Variants in MYOM3 observed in about 807,000 individuals in gnomAD.
MYOM3 encodes the protein myomesin-3.
Under a neutral mutation model 191.7 loss-of-function variants are expected in MYOM3, and 155 were observed. The ratio of observed to expected loss-of-function variants is 0.81; its 90% CI spans 0.71 to 0.92. The LOEUF is 0.92. Among genes scored for constraint, MYOM3 ranks in the 40% least tolerant of loss-of-function variants. The probability of loss-of-function intolerance (pLI) is 0.00; values close to 1 mark genes in which losing one functional copy is unlikely to be tolerated. For missense variants in MYOM3, 1,889 were observed against 1,890.6 expected (o/e 1.00, Z 0.02); for synonymous variants, 757 against 762.9 (o/e 0.99, Z 0.13).
intron 5 of MYOM3, among the ~76,000 whole-genome samples, chr1:24,104,919 C>A (rs943073914): frequency 1.3e-5 from 2 of 152,222 alleles, no homozygotes; most frequent in African/African-American, 4.8e-5. Flanking sequence ...AGCCCTTCCT[C>A]ATCCCCCAGG....
chr1:24,082,733 G>C lies in MYOM3; in HGVS notation c.1971-19C>G, dbSNP rs997429068. 2 of 1,579,772 alleles carry C rather than the reference G, an allele frequency of 1.3e-6. No homozygotes were observed. The highest frequency in any genetic ancestry group is 2.7e-5 in the African/African-American group (2 of 73,026). ...TGTAAACCTGGGAGAGAAATGTGCA[G>C]CTTTCATGGATGTACAAACAGCCTG... On this transcript the variant is annotated intron_variant, in intron 16 of 36. Coordinates refer to ENST00000374434, the MANE Select transcript of MYOM3 (RefSeq NM_152372.4).
In MYOM3 at chr1:24,071,191, G is replaced by T. The variant is rs371524516; in HGVS notation, c.3076C>A (p.Leu1026Met). Residue 1026 changes from leucine to methionine, a missense_variant, in exon 25 of 37, where the codon CTG (leucine) becomes ATG (methionine). Coordinates refer to ENST00000374434, the MANE Select transcript of MYOM3 (RefSeq NM_152372.4). ...GCTGGAGATAACTTTTCTACTTCCA[G>T]CCAAAGCCGCACCTCCCCTCGCTCC... is the stretch of plus-strand genomic sequence containing the variant. Reference protein sequence around the residue: ...ILERGEVRLWLEVEKLSPAAE... With the variant: ...ILERGEVRLWMEVEKLSPAAE... The T allele has an allele frequency of 6.2e-7, 1 of 1,613,958 alleles. No homozygotes were observed. Among genetic ancestry groups the T allele is most frequent in the Non-Finnish European group, 8.5e-7 (1 of 1,180,004 alleles).
rs371522272 is a variant in MYOM3 at position 24,065,923 on chromosome 1, C to T, written c.3502G>A (p.Glu1168Lys). 1.2e-4 allele frequency: 197 copies of T among 1,613,702 alleles called. No individual in the cohort carries two copies. The highest frequency in any genetic ancestry group is 1.6e-4 in the Non-Finnish European group (186 of 1,179,662). ...ATGCAGAGAAGTCCCGTTCCCGTCT[C>T]TGGGTCATACTGACCATCTGGCATC... ...AEMPDGQYDPETGTGLLCIEE... is the reference protein window; with the variant it reads ...AEMPDGQYDPKTGTGLLCIEE... Residue 1168 changes from glutamate to lysine, a missense_variant, in exon 29 of 37, where the codon GAG (glutamate) becomes AAG (lysine). By Grantham distance (56) the Glu-to-Lys change is moderately conservative (BLOSUM62 1). Transcript: ENST00000374434.
intron 23 of MYOM3, 123 bp from the exon 24 acceptor site, chr1:24,072,136 C>T (rs1288143773): frequency 8.6e-6 from 8 of 927,198 alleles, no homozygotes; most frequent in Admixed American, 4.0e-5. Context: ...ACACCTCCCC[C>T]GACCTTGGGG....
intron 22 of MYOM3, among the ~76,000 whole-genome samples, chr1:24,074,902 T>C (rs1172880499): frequency 6.6e-6 from 1 of 151,876 alleles, no homozygotes; most frequent in Non-Finnish European, 1.5e-5. Context: ...CTAGACAACA[T>C]AGCGAGACCC....
intron 29 of MYOM3, among the ~76,000 whole-genome samples, chr1:24,064,440 C>T (rs1643410903): frequency 6.6e-6 from 1 of 152,208 alleles, no homozygotes; most frequent in African/African-American, 2.4e-5. Context: ...CCTTCGTTTG[C>T]ATTCACAGGC....
chr1:24,105,788 G>T, intron 5 of MYOM3, 132 bp downstream of exon 5: 2 of 917,776 alleles, frequency 2.2e-6, no homozygotes, highest in Non-Finnish European at 3.2e-6. Context: ...CCCAGCAGCT[G>T]CTCTATTCGG....
At chr1:24,109,152 C>T (rs1644019297) in intron 1 of MYOM3, among the ~76,000 whole-genome samples, 1 of 152,182 alleles carries the variant, frequency 6.6e-6, no homozygotes, top group African/African-American at 2.4e-5. Flanking sequence ...CCCGGCACAC[C>T]CTTCCCCTCC....
chr1:24,063,698 G>A lies in MYOM3; in HGVS notation c.3623-168C>T, dbSNP rs1264458927. On this transcript the variant is annotated intron_variant, in intron 30 of 36. Coordinates refer to ENST00000374434, the MANE Select transcript of MYOM3 (RefSeq NM_152372.4). The surrounding 1 kb of genome is among the most constrained non-coding windows in gnomAD (Gnocchi z 4.5). ...GCTTGGGGATAGGAGGGGGTTCAGG[G>A]CACTCAGCAATGGGGTGGGCAGAAG... Among the ~76,000 whole-genome samples, 1 of 152,084 alleles carries A rather than the reference G, an allele frequency of 6.6e-6. No individual in the cohort carries two copies. The highest frequency in any genetic ancestry group is 1.5e-5 in the Non-Finnish European group (1 of 68,000).
Position 24,067,988 on chromosome 1 carries a change from C to T in MYOM3, c.3337G>A (p.Asp1113Asn), listed in dbSNP as rs1401482225. 3.1e-6 allele frequency: 5 copies of T among 1,614,086 alleles called. No homozygotes were observed. The highest frequency in any genetic ancestry group is 4.2e-6 in the Non-Finnish European group (5 of 1,180,034). The change falls in exon 27 of 37, where the codon GAC becomes AAC. Residue 1113 changes from aspartate (D) to asparagine (N), a missense_variant. Physicochemically the swap from Asp to Asn is conservative, Grantham distance 23 (BLOSUM62 1). Transcript: ENST00000374434. ...LLRKADAKRRDWKRKQGPYFE... is the reference protein window; with the variant it reads ...LLRKADAKRRNWKRKQGPYFE... ...CTCTTACCCTGTTTTCTCTTCCAGT[C>T]CCTTCTCTTAGCATCTGCCTTCCTC...
chr1:24,096,038 C>T (rs553496070), intron 7 of MYOM3, among the ~76,000 whole-genome samples: 22 of 152,344 alleles, frequency 1.4e-4, no homozygotes, highest in African/African-American at 4.8e-4. Flanking sequence ...CTCATTCTAT[C>T]TTCACAACAG....
intron 28 of MYOM3, chr1:24,066,507 G>T (rs1643436475): frequency 2.0e-6 from 1 of 495,182 alleles, no homozygotes; most frequent in Admixed American, 3.4e-5. Flanking sequence ...ACAGGCTGAA[G>T]AGTGCTAAGA....
chr1:24,092,340 G>C, intron 10 of MYOM3, 25 bp from the exon 11 acceptor site: 1 of 1,346,744 alleles, frequency 7.4e-7, no homozygotes, highest in South Asian at 2.3e-5. Context: ...TGAGAGGGAG[G>C]CCCTTCTAGT....
At chr1:24,057,837 C>T (rs1398277327) in intron 36 of MYOM3, among the ~76,000 whole-genome samples, 1 of 152,144 alleles carries the variant, frequency 6.6e-6, no homozygotes, top group Non-Finnish European at 1.5e-5. Flanking sequence ...GATGGAGTCT[C>T]GTTCCATCGC....
intron 36 of MYOM3, 89 bp from the exon 37 acceptor site, chr1:24,057,716 C>G (rs1334010767): frequency 8.6e-7 from 1 of 1,158,810 alleles, no homozygotes; most frequent in Non-Finnish European, 1.2e-6. Context: ...GCTCCCAGCT[C>G]AGGTTGCTCC....
Position 24,090,061 on chromosome 1 carries a change from G to A in MYOM3, c.1486+4C>T, listed in dbSNP as rs1428790051. The A allele has an allele frequency of 7.4e-6, 12 of 1,613,618 alleles. No individual in the cohort carries two copies. The highest frequency in any genetic ancestry group is 6.7e-5 in the African/African-American group (5 of 74,916). On this transcript the variant is annotated splice_donor_region_variant and intron_variant, in intron 13 of 36. Transcript: ENST00000374434. ...GGCCCAGTGTGTGGGAGGATCCCGC[G>A]TACCTTCAAAAGCGTCTGTGCTGAT...
chr1:24,086,404 C>T lies in MYOM3; in HGVS notation c.1798+240G>A, dbSNP rs188363808. Reference sequence around the variant, plus strand: ...CAGGGCCCAGCTGTGCACTCTAACCCATGCATTGCTGATCTGGAAAAAGGC... The same window carrying T: ...CAGGGCCCAGCTGTGCACTCTAACCTATGCATTGCTGATCTGGAAAAAGGC... On this transcript the variant is annotated intron_variant, in intron 15 of 36. Coordinates refer to ENST00000374434, the MANE Select transcript of MYOM3 (RefSeq NM_152372.4). 2.3e-3 allele frequency among the ~76,000 whole-genome samples: 352 copies of T among 152,274 alleles called. 1 individual carries two copies. The highest frequency in any genetic ancestry group is 3.6e-3 in the Non-Finnish European group (246 of 68,018).
At chr1:24,099,142 T>C (rs749965614) in intron 6 of MYOM3, among the ~76,000 whole-genome samples, 2 of 152,150 alleles carry the variant, frequency 1.3e-5, no homozygotes, top group Admixed American at 1.3e-4. Context: ...CCAGCATGCA[T>C]CCTGCCTCTT....
At chr1:24,066,264 A>T in intron 28 of MYOM3, 3 of 716,292 alleles carry the variant, frequency 4.2e-6, no homozygotes, top group Non-Finnish European at 5.2e-6. Flanking sequence ...AGCATCCCAT[A>T]GTCACCCCCT....
Sources: allele counts gnomAD v4.1 joint callset (sites outside exome capture counted in the v4.1 genomes callset), GRCh38; gene constraint gnomAD v4.1.1; non-coding constraint Gnocchi (gnomAD v3.1); transcripts MANE v1.5; gene names NCBI Gene and HGNC (gene_info 2026-07-23, HGNC 2026-07-21).